The following RAD54B variants were observed in gnomAD, a reference collection of about 807,000 sequenced individuals.
RAD54B encodes DNA repair and recombination protein RAD54B.
Under a neutral mutation model 95.8 loss-of-function variants are expected in RAD54B, and 78 were observed. That is an observed-to-expected ratio of 0.81 (90% CI 0.68 to 0.98). The LOEUF is 0.98. Ranked by LOEUF, RAD54B falls within the 50% of genes least tolerant of loss-of-function variation. The pLI is 0.00. For synonymous variants in RAD54B, 328 were observed against 354.9 expected (o/e 0.92, Z 0.85); for missense variants, 957 against 1,056.6 (o/e 0.91, Z 1.31).
At chr8:94,423,180 A>G (rs1480414023) in intron 3 of RAD54B, among the ~76,000 whole-genome samples, 1 of 152,032 alleles carries the variant, frequency 6.6e-6, no homozygotes, top group Non-Finnish European at 1.5e-5. Flanking sequence ...TCAGGAGATC[A>G]AGACCATCCT....
chr8:94,456,558 C>T (rs1043994817), intron 3 of RAD54B, among the ~76,000 whole-genome samples: 2 of 152,014 alleles, frequency 1.3e-5, no homozygotes, highest in African/African-American at 4.8e-5. Flanking sequence ...ACAAATGAGG[C>T]AAAATGTTAG....
At chr8:94,435,067 A>C (rs1238686949) in intron 3 of RAD54B, among the ~76,000 whole-genome samples, 1 of 151,998 alleles carries the variant, frequency 6.6e-6, no homozygotes, top group Non-Finnish European at 1.5e-5. Context: ...CCTACTAACC[A>C]AAGGGTACAG....
intron 3 of RAD54B, among the ~76,000 whole-genome samples, chr8:94,448,036 T>A (rs990892987): frequency 1.3e-5 from 2 of 152,192 alleles, no homozygotes; most frequent in African/African-American, 4.8e-5. Context: ...TTTTTGGTTA[T>A]TTTTTTCTTT....
chr8:94,413,550 CAAAAT>C (rs1012943655), intron 3 of RAD54B, among the ~76,000 whole-genome samples: 1 of 152,046 alleles, frequency 6.6e-6, no homozygotes, highest in African/African-American at 2.4e-5. Context: ...AAATTCAACT[CAAAAT>C]GAATGATAGA....
At chr8:94,470,862 T>G (rs1813154249) in intron 1 of RAD54B, among the ~76,000 whole-genome samples, 1 of 152,090 alleles carries the variant, frequency 6.6e-6, no homozygotes, top group African/African-American at 2.4e-5. Flanking sequence ...TAAATTATGG[T>G]ACACCCACAC....
chr8:94,429,266 A>C, intron 3 of RAD54B: 1 of 490,602 alleles, frequency 2.0e-6, no homozygotes, highest in African/African-American at 2.1e-5. Flanking sequence ...ATTGTAGCAG[A>C]CTATGTTTAT....
intron 3 of RAD54B, among the ~76,000 whole-genome samples, chr8:94,422,778 T>TATATATATATAAA (rs1811855644): frequency 7.3e-6 from 1 of 136,980 alleles, no homozygotes; most frequent in Admixed American, 7.1e-5. Context: ...ATATATATAA[T>TATATATATATAAA]TGTTAGGGGT....
intron 3 of RAD54B, among the ~76,000 whole-genome samples, chr8:94,427,377 T>G (rs1225014191): frequency 6.6e-6 from 1 of 152,024 alleles, no homozygotes; most frequent in Non-Finnish European, 1.5e-5. Flanking sequence ...TTGAACAATT[T>G]CTCAAAATCG....
chr8:94,397,027 A>T (rs72672692), intron 8 of RAD54B, among the ~76,000 whole-genome samples: 5,021 of 152,266 alleles, frequency 0.033, 133 homozygotes, highest in Non-Finnish European at 0.05. Context: ...ACTGTGAGAA[A>T]ATAAATGTCT....
chr8:94,441,844 C>T (rs148212427), intron 3 of RAD54B, among the ~76,000 whole-genome samples: 14 of 152,214 alleles, frequency 9.2e-5, no homozygotes, highest in African/African-American at 3.1e-4. Flanking sequence ...CTTTGGAGGT[C>T]GTAAGGATTT....
intron 3 of RAD54B, among the ~76,000 whole-genome samples, chr8:94,450,479 C>T (rs1220228240): frequency 6.6e-6 from 1 of 152,126 alleles, no homozygotes; most frequent in African/African-American, 2.4e-5. Context: ...ATGCAAAAAC[C>T]CTTTTTATGA....
chr8:94,429,012 G>A, intron 3 of RAD54B: 1 of 982,956 alleles, frequency 1.0e-6, no homozygotes, highest in East Asian at 1.1e-4. Flanking sequence ...ACAAGGGGAG[G>A]TAGACAATGA....
chr8:94,402,862 G>A (rs1811295253), intron 6 of RAD54B, among the ~76,000 whole-genome samples: 1 of 152,164 alleles, frequency 6.6e-6, no homozygotes, highest in African/African-American at 2.4e-5. Flanking sequence ...TATGACATCG[G>A]TTACTAGAGA....
chr8:94,430,613 C>A, intron 3 of RAD54B: 1 of 603,774 alleles, frequency 1.7e-6, no homozygotes, highest in Non-Finnish European at 2.1e-6. Flanking sequence ...CTGGTCAGGA[C>A]CCATACTTGG....
intron 3 of RAD54B, among the ~76,000 whole-genome samples, chr8:94,418,889 T>C (rs556461982): frequency 1.7e-4 from 26 of 152,308 alleles, no homozygotes; most frequent in African/African-American, 6.0e-4. Flanking sequence ...CTATGAACTT[T>C]TTCTGTGAAT....
intron 14 of RAD54B, among the ~76,000 whole-genome samples, 191 bp downstream of exon 14, chr8:94,377,989 A>G (rs2129948514): frequency 6.6e-6 from 1 of 151,774 alleles, no homozygotes; most frequent in East Asian, 1.9e-4. Flanking sequence ...AAAAAAAAAA[A>G]AAAAAAAAAA....
chr8:94,467,348 T>C, intron 2 of RAD54B, 57 bp downstream of exon 2: 7 of 1,411,452 alleles, frequency 5.0e-6, no homozygotes, highest in Non-Finnish European at 6.6e-6. Flanking sequence ...AATGGCATTT[T>C]CTTAAACATA....
At chr8:94,407,758 A>G (rs1157250200) in intron 4 of RAD54B, 38 bp from the exon 5 acceptor site, 1 of 1,556,468 alleles carries the variant, frequency 6.4e-7, no homozygotes, top group Non-Finnish European at 8.8e-7. Flanking sequence ...TTGACACTCT[A>G]TGATACCACG....
chr8:94,410,199 T>G (rs1308919516), intron 4 of RAD54B, among the ~76,000 whole-genome samples: 2 of 152,152 alleles, frequency 1.3e-5, no homozygotes, highest in Non-Finnish European at 2.9e-5. Flanking sequence ...ATCCTTCAAA[T>G]AGTATCTTAA....
Sources: allele counts gnomAD v4.1 joint callset (sites outside exome capture counted in the v4.1 genomes callset), GRCh38; gene constraint gnomAD v4.1.1; transcripts MANE v1.5; gene names NCBI Gene and HGNC (gene_info 2026-07-23, HGNC 2026-07-21).